Variants in ERBB4 observed in about 807,000 individuals in gnomAD.
The protein encoded by ERBB4 is erb-b2 receptor tyrosine kinase 4.
Under a neutral mutation model 158.0 loss-of-function variants are expected in ERBB4, and 42 were observed. That is an observed-to-expected ratio of 0.27 (90% CI 0.21 to 0.34). The LOEUF is 0.34. Among genes scored for constraint, ERBB4 ranks in the 10% least tolerant of loss-of-function variants. The pLI, the probability that ERBB4 is intolerant of heterozygous loss-of-function variation, is 1.00. For missense variants in ERBB4, 1,333 were observed against 1,624.1 expected (o/e 0.82, Z 3.08); for synonymous variants, 583 against 558.7 (o/e 1.04, Z -0.61).
intron 1 of ERBB4, among the ~76,000 whole-genome samples, chr2:212,501,676 T>C (rs1489625599): frequency 6.6e-6 from 1 of 152,194 alleles, no homozygotes; most frequent in Non-Finnish European, 1.5e-5. Context: ...ATCACTCTGC[T>C]ACCTACCATT....
At chr2:212,271,484 TAATA>T (rs1429072597) in intron 1 of ERBB4, among the ~76,000 whole-genome samples, 1 of 151,824 alleles carries the variant, frequency 6.6e-6, no homozygotes, top group Non-Finnish European at 1.5e-5. Context: ...CATTTTATGT[TAATA>T]AATTTAAAGA....
intron 1 of ERBB4, among the ~76,000 whole-genome samples, chr2:212,231,480 C>T (rs553509863): frequency 5.3e-5 from 8 of 152,300 alleles, no homozygotes; most frequent in African/African-American, 1.9e-4. Flanking sequence ...GTGCCAGAAG[C>T]AGCATTAAAA....
At chr2:212,158,302 T>C (rs547425523) in intron 1 of ERBB4, among the ~76,000 whole-genome samples, 1 of 152,070 alleles carries the variant, frequency 6.6e-6, no homozygotes, top group African/African-American at 2.4e-5. Flanking sequence ...TTCCAACCTA[T>C]CTCACTAGCT....
intron 5 of ERBB4, among the ~76,000 whole-genome samples, chr2:211,733,329 T>C (rs2074489698): frequency 6.6e-6 from 1 of 152,198 alleles, no homozygotes; most frequent in African/African-American, 2.4e-5. Context: ...TAATATTGCC[T>C]TGTTACGTTA....
At chr2:211,621,755 T>A (rs1363122861) in intron 18 of ERBB4, among the ~76,000 whole-genome samples, 1 of 152,222 alleles carries the variant, frequency 6.6e-6, no homozygotes. Context: ...TATAATACAT[T>A]TAAATTTTTC....
At chr2:211,406,767 T>C (rs2063156621) in intron 25 of ERBB4, among the ~76,000 whole-genome samples, 1 of 151,844 alleles carries the variant, frequency 6.6e-6, no homozygotes, top group Non-Finnish European at 1.5e-5. Flanking sequence ...ACTAAAATAG[T>C]AGAAAAATAA....
rs141100008 is a variant in ERBB4, at chr2:212,318,895, A to G, written c.83-193992T>C. 1.5e-4 allele frequency among the ~76,000 whole-genome samples: 22 copies of G among 151,710 alleles called. No individual in the cohort carries two copies. In the East Asian group the frequency reaches 2.0e-3, roughly 13 times the overall value. On this transcript the variant is annotated intron_variant, in intron 1 of 27. Transcript: ENST00000342788. The stretch of plus-strand genomic sequence containing the variant: ...AAGATTTTCACAGCATTACTGGCCA[A>G]TGGCATTTTGCTACATGCCATGGCT...
intron 3 of ERBB4, among the ~76,000 whole-genome samples, chr2:211,913,468 G>A (rs2079590497): frequency 1.3e-5 from 2 of 151,974 alleles, no homozygotes; most frequent in African/African-American, 4.8e-5. Flanking sequence ...AGGTGTGATG[G>A]TGCGTGCCTG....
chr2:212,136,390 A>G (rs2080272126), intron 1 of ERBB4, among the ~76,000 whole-genome samples: 1 of 152,234 alleles, frequency 6.6e-6, no homozygotes, highest in Non-Finnish European at 1.5e-5. Context: ...AGCTTACACT[A>G]GAAACGGGAA....
intron 1 of ERBB4, among the ~76,000 whole-genome samples, chr2:212,256,694 G>A (rs574314393): frequency 2.0e-5 from 3 of 152,148 alleles, no homozygotes; most frequent in Non-Finnish European, 4.4e-5. Context: ...CAGTAGCCTC[G>A]CATCTCTGGG....
chr2:212,036,470 T>TG (rs2077015677), intron 2 of ERBB4, among the ~76,000 whole-genome samples: 1 of 104,134 alleles, frequency 9.6e-6, no homozygotes, highest in East Asian at 2.1e-4. Flanking sequence ...AAATACATTC[T>TG]TTTTTTTTTT....
intron 1 of ERBB4, among the ~76,000 whole-genome samples, chr2:212,191,565 AACACAT>A (rs1559701226): frequency 4.4e-5 from 1 of 22,942 alleles, no homozygotes. Context: ...TGTTATATAT[AACACAT>A]GTGTTATGCC....
intron 1 of ERBB4, among the ~76,000 whole-genome samples, chr2:212,284,417 T>C (rs939577853): frequency 6.6e-6 from 1 of 152,126 alleles, no homozygotes; most frequent in African/African-American, 2.4e-5. Flanking sequence ...CATGTTGCAT[T>C]GTCTTTTACC....
intron 1 of ERBB4, among the ~76,000 whole-genome samples, chr2:212,125,396 A>G (rs756100360): frequency 6.6e-5 from 10 of 152,194 alleles, no homozygotes; most frequent in Non-Finnish European, 1.5e-4. Flanking sequence ...CAAGACCTCA[A>G]ACATGCGTTT....
At chr2:211,718,792 A>G (rs974634390) in intron 7 of ERBB4, among the ~76,000 whole-genome samples, 1 of 152,244 alleles carries the variant, frequency 6.6e-6, no homozygotes, top group South Asian at 2.1e-4. Flanking sequence ...ATAACTAGGT[A>G]TCAGAGTAGA....
At chr2:212,454,440 C>T (rs1034115655) in intron 1 of ERBB4, among the ~76,000 whole-genome samples, 3 of 152,124 alleles carry the variant, frequency 2.0e-5, no homozygotes, top group Non-Finnish European at 2.9e-5. Context: ...TGGGTTTTCC[C>T]ACCTCTGCAC....
At position 212,167,900 on chromosome 2, in the gene ERBB4, G is replaced by A. The variant is rs534342641; in HGVS notation, c.83-42997C>T. ...TGGGAGTTGCAAAATGAAAACACAC[G>A]GACACAGGAAGGGAAACAACACACA... On this transcript the variant is annotated intron_variant, in intron 1 of 27. Transcript: ENST00000342788. Among the ~76,000 whole-genome samples, 14 of 152,024 alleles carry A rather than the reference G, an allele frequency of 9.2e-5. No homozygotes were observed. The East Asian group carries it at 1.2e-3, about 13-fold the overall frequency.
chr2:211,736,929 T>TTA (rs2074619695), intron 5 of ERBB4, among the ~76,000 whole-genome samples: 1 of 152,112 alleles, frequency 6.6e-6, no homozygotes, highest in South Asian at 2.1e-4. Flanking sequence ...GATAAAAAAA[T>TTA]TATAATCTCT....
intron 1 of ERBB4, among the ~76,000 whole-genome samples, chr2:212,388,682 C>A (rs12694279): frequency 0.58 from 88,525 of 151,888 alleles, 27,336 homozygotes; most frequent in African/African-American, 0.78. Flanking sequence ...TATTTTTCTC[C>A]CTTCCTATCT....
Sources: gnomAD v4.1 joint callset for allele counts (sites outside exome capture counted in the v4.1 genomes callset) on GRCh38, gnomAD v4.1.1 for gene constraint, MANE v1.5 for transcripts, NCBI Gene and HGNC (gene_info 2026-07-23, HGNC 2026-07-21) for gene names.